Variants in EME1 observed in about 807,000 individuals in gnomAD.
EME1 encodes essential meiotic structure-specific endonuclease 1.
In EME1, 61 loss-of-function variants were observed where a neutral mutation model predicts 59.1. The observed-to-expected ratio is 1.03, with a 90% CI of 0.84 to 1.28. The LOEUF is 1.28. EME1 is among the 50% of genes most tolerant of loss of function. EME1 has a pLI of 0.00. For missense variants in EME1, 635 were observed against 682.6 expected, an observed-to-expected ratio of 0.93 and a Z score of 0.78; for synonymous variants, 230 against 254.2, an observed-to-expected ratio of 0.90 and a Z score of 0.90.
At chr17:50,377,662 T>C (rs915226514) in intron 3 of EME1, among the ~76,000 whole-genome samples, 1 of 152,210 alleles carries the variant, frequency 6.6e-6, no homozygotes, top group African/African-American at 2.4e-5. Context: ...GCCAGAGTCA[T>C]TTACTTGTAC....
intron 1 of EME1, among the ~76,000 whole-genome samples, chr17:50,374,024 T>A (rs996787594): frequency 6.6e-6 from 1 of 152,146 alleles, no homozygotes; most frequent in Non-Finnish European, 1.5e-5. Flanking sequence ...ATATGAAATA[T>A]CCAGAATAGG....
In EME1 at chr17:50,375,962, A is replaced by G; in HGVS notation, c.754A>G (p.Ile252Val). 5.0e-6 allele frequency: 8 copies of G among 1,607,242 alleles called. No homozygotes were observed. The highest frequency in any genetic ancestry group is 6.8e-6 in the Non-Finnish European group (8 of 1,175,570). The change falls in exon 2 of 9, where the codon ATC becomes GTC. Residue 252 changes from isoleucine (I) to valine (V), a missense_variant. Ile to Val is a conservative substitution (Grantham distance 29, BLOSUM62 3). Transcript: ENST00000338165. ...GAGGCCAGAGGAATGCTTAAAACACATCATTGTAGTGCTGGATCCAGGTCC... is the reference window on the plus strand; with the variant it reads ...GAGGCCAGAGGAATGCTTAAAACACGTCATTGTAGTGCTGGATCCAGGTCC... The part of the protein sequence containing the change: ...AQRPEECLKH[I>V]IVVLDPVLLQ...
In EME1 at chr17:50,375,766, C is replaced by T; in HGVS notation, c.558C>T (p.Thr186=). 1 of 1,614,114 alleles carries T rather than the reference C, an allele frequency of 6.2e-7. No individual in the cohort carries two copies. The highest frequency in any genetic ancestry group is 8.5e-7 in the Non-Finnish European group (1 of 1,180,018). The change falls in exon 2 of 9, where the codon ACC becomes ACT. Residue 186 remains threonine (T), a synonymous_variant. Transcript: ENST00000338165. ...GCCAGAGCAGCAGCTTGGCAGTAAC[C>T]AAAACAAATTCTGACATCCTTCCAC... ...CPGQSSSLAV[T]KTNSDILPPQ... is the part of the protein sequence containing the mutation.
rs926092639 is a variant in EME1, at chr17:50,379,311, G to A, written c.1230+87G>A. On this transcript the variant is annotated intron_variant, in intron 6 of 8. Coordinates refer to ENST00000338165, the MANE Select transcript of EME1 (RefSeq NM_152463.4). ...TGATAGAGAATAAAATGCCTGCTGCGTACTGTTTTCTGCCTTGGCACTGAC... is the reference window on the plus strand; with the variant it reads ...TGATAGAGAATAAAATGCCTGCTGCATACTGTTTTCTGCCTTGGCACTGAC... 565 of 1,597,658 alleles carry A rather than the reference G, an allele frequency of 3.5e-4. 1 individual carries two copies. Among genetic ancestry groups the A allele is most frequent in the Middle Eastern group, 2.1e-3 (12 of 5,808 alleles).
chr17:50,380,569 A>G, intron 8 of EME1, 68 bp downstream of exon 8: 5 of 1,581,822 alleles, frequency 3.2e-6, no homozygotes, highest in Non-Finnish European at 4.3e-6. Context: ...CCAGATTTCC[A>G]TGGACAACTG....
chr17:50,380,229 G>T, intron 7 of EME1, 83 bp from the exon 8 acceptor site: 1 of 1,394,532 alleles, frequency 7.2e-7, no homozygotes, highest in Non-Finnish European at 9.8e-7. Flanking sequence ...AAGGTCAGTG[G>T]GGGGGTTTTC....
chr17:50,375,151 T>C (rs1321951063), intron 1 of EME1, 34 bp from the exon 2 acceptor site: 1 of 1,546,068 alleles, frequency 6.5e-7, no homozygotes, highest in African/African-American at 1.4e-5. Flanking sequence ...AATTGAATGC[T>C]CCAGTCTGTG....
intron 7 of EME1, chr17:50,379,806 T>C (rs1282145177): frequency 8.4e-6 from 4 of 474,008 alleles, no homozygotes; most frequent in East Asian, 3.6e-5. Flanking sequence ...GCTGATATCA[T>C]AGGCCAGGTT....
Position 50,373,264 on chromosome 17 carries a change from G to A in EME1, c.-38G>A. 2 of 1,564,520 alleles carry A rather than the reference G, an allele frequency of 1.3e-6. No homozygotes were observed. The highest frequency in any genetic ancestry group is 1.4e-5 in the African/African-American group (1 of 73,648). On this transcript the variant is annotated 5_prime_UTR_variant, in exon 1 of 9. Coordinates refer to ENST00000338165, the MANE Select transcript of EME1 (RefSeq NM_152463.4). ...CCTGCGTGGCAGTTGAAAGAGTGGC[G>A]GGAGAAGTTGCAGGTGAGCGTCCCC...
chr17:50,375,274 A>G lies in EME1; in HGVS notation c.66A>G (p.Thr22=), dbSNP rs369680589. The change falls in exon 2 of 9, where the codon ACA becomes ACG. Residue 22 remains threonine (T), a synonymous_variant. Transcript: ENST00000338165. ...ATAGTGACTCTGAGGAGTTGCCAAC[A>G]TTTGCCTTTCTGAAGAAGGAACCAT... ...SGDSDSEELP[T]FAFLKKEPSS... is the part of the protein sequence containing the mutation. The G allele has an allele frequency of 1.9e-6, 3 of 1,614,168 alleles. No individual in the cohort carries two copies. Among genetic ancestry groups the G allele is most frequent in the Non-Finnish European group, 2.5e-6 (3 of 1,180,030 alleles).
intron 3 of EME1, 62 bp from the exon 4 acceptor site, chr17:50,378,533 C>G (rs1403133398): frequency 6.5e-7 from 1 of 1,550,154 alleles, no homozygotes; most frequent in African/African-American, 1.4e-5. Context: ...CTGGGCCACT[C>G]TCACAGGTGC....
chr17:50,376,313 A>C (rs1195700001), intron 3 of EME1, 120 bp downstream of exon 3: 10 of 1,427,408 alleles, frequency 7.0e-6, no homozygotes, highest in Non-Finnish European at 8.5e-6. Flanking sequence ...GGCACATTCA[A>C]CTCAGGGTAA....
In EME1 at chr17:50,375,464, G is replaced by GA. The variant is rs1476688534; in HGVS notation, c.259dup (p.Ser87LysfsTer2). The GA allele has an allele frequency of 2.5e-6, 4 of 1,613,944 alleles. No individual in the cohort carries two copies. The highest frequency in any genetic ancestry group is 2.5e-6 in the Non-Finnish European group (3 of 1,180,008). On this transcript the variant is annotated frameshift_variant, in exon 2 of 9. Coordinates refer to ENST00000338165, the MANE Select transcript of EME1 (RefSeq NM_152463.4). LOFTEE classifies it high-confidence loss of function. ...ACAGCCAGTCAGGTTGCTAAGCAGT[G>GA]AAAGTGAAGATGAAGAAGAATTTAT...
Position 50,379,205 on chromosome 17 carries a change from C to T in EME1, c.1211C>T (p.Ser404Phe). Residue 404 changes from serine to phenylalanine, a missense_variant, in exon 6 of 9, where the codon TCC (serine) becomes TTC (phenylalanine). Physicochemically the swap from Ser to Phe is radical, Grantham distance 155 (BLOSUM62 -2). Coordinates refer to ENST00000338165, the MANE Select transcript of EME1 (RefSeq NM_152463.4). ...QPEASIGSMV[S>F]RVDAEEALVD... is the part of the protein sequence containing the mutation. ...GAGGCCAGCATAGGGTCCATGGTAT[C>T]CAGGGTAGACGCTGAAGAGGTAAGA... 6.2e-7 allele frequency: 1 copy of T among 1,614,146 alleles called. No homozygotes were observed. The highest frequency in any genetic ancestry group is 1.1e-5 in the South Asian group (1 of 91,076).
chr17:50,378,754 G>C lies in EME1; in HGVS notation c.991-20G>C. 3 of 1,614,226 alleles carry C rather than the reference G, an allele frequency of 1.9e-6. No homozygotes were observed. Among genetic ancestry groups the C allele is most frequent in the Middle Eastern group, 1.6e-4 (1 of 6,062 alleles). ...TTACTAGGAAGCAAGTATTAATGCA[G>C]TTTCTGCCCCTTCATGCAGGGAAGC... On this transcript the variant is annotated intron_variant, in intron 4 of 8. Transcript: ENST00000338165.
chr17:50,374,291 G>A (rs1913328067), intron 1 of EME1, among the ~76,000 whole-genome samples: 1 of 152,106 alleles, frequency 6.6e-6, no homozygotes, highest in Non-Finnish European at 1.5e-5. Context: ...GGGCTGGAGT[G>A]CAGTCGTACA....
In EME1 at chr17:50,376,172, G is replaced by C; in HGVS notation, c.882G>C (p.Arg294Ser). ...CTGTGCCTTGCAGTGTCACTTGGAGGAGAAGGGCTGGGCCGTCTGAGGTAG... is the reference window on the plus strand; with the variant it reads ...CTGTGCCTTGCAGTGTCACTTGGAGCAGAAGGGCTGGGCCGTCTGAGGTAG... The part of the protein sequence containing the change: ...AQAVPCSVTW[R>S]RRAGPSEDRE... Residue 294 changes from arginine to serine, a missense_variant, in exon 3 of 9, where the codon AGG becomes AGC. Arg to Ser is a moderately radical substitution (Grantham distance 110). Coordinates refer to ENST00000338165, the MANE Select transcript of EME1 (RefSeq NM_152463.4). 3 of 1,613,648 alleles carry C rather than the reference G, an allele frequency of 1.9e-6. No individual in the cohort carries two copies. Among genetic ancestry groups the C allele is most frequent in the Non-Finnish European group, 2.5e-6 (3 of 1,180,000 alleles).
At chr17:50,376,369 G>A (rs1913473508) in intron 3 of EME1, among the ~76,000 whole-genome samples, 176 bp downstream of exon 3, 1 of 152,232 alleles carries the variant, frequency 6.6e-6, no homozygotes, top group Non-Finnish European at 1.5e-5. Context: ...GGCATGGGCA[G>A]GGTATGAGGA....
chr17:50,374,885 G>A (rs1196416130), intron 1 of EME1, among the ~76,000 whole-genome samples: 5 of 151,424 alleles, frequency 3.3e-5, no homozygotes, highest in Admixed American at 6.6e-5. Flanking sequence ...CATTTCAAAC[G>A]TGAAGATAAA....
Sources: gnomAD v4.1 joint callset for allele counts (sites outside exome capture counted in the v4.1 genomes callset) on GRCh38, gnomAD v4.1.1 for gene constraint, MANE v1.5 for transcripts, NCBI Gene and HGNC (gene_info 2026-07-23, HGNC 2026-07-21) for gene names.